PTPRN2: variants seen among roughly 807,000 people sequenced by gnomAD.
The protein encoded by PTPRN2 is protein tyrosine phosphatase receptor type N2, also known as receptor-type tyrosine-protein phosphatase N2.
In PTPRN2, 74 loss-of-function variants were observed where a neutral mutation model predicts 118.8. That is an observed-to-expected ratio of 0.62 (90% CI 0.52 to 0.76). The LOEUF (loss-of-function observed/expected upper bound fraction) is 0.76. Ranked by LOEUF, PTPRN2 falls within the 30% of genes least tolerant of loss-of-function variation. The probability of loss-of-function intolerance (pLI) is 0.00; values close to 1 mark genes in which losing one functional copy is unlikely to be tolerated. For missense variants in PTPRN2, 1,481 were observed against 1,394.4 expected (o/e 1.06, Z -0.99); for synonymous variants, 641 against 608.0 (o/e 1.05, Z -0.80).
chr7:158,344,506 C>T (rs1019634518), intron 2 of PTPRN2, among the ~76,000 whole-genome samples: 1 of 149,032 alleles, frequency 6.7e-6, no homozygotes, highest in Non-Finnish European at 1.5e-5. Context: ...GCTAATTATA[C>T]TCGCCGGCAT....
chr7:157,984,860 TGCCTCA>T (rs1803649194), intron 11 of PTPRN2, among the ~76,000 whole-genome samples: 1 of 152,208 alleles, frequency 6.6e-6, no homozygotes, highest in Admixed American at 6.5e-5. Flanking sequence ...CACTAGGCCC[TGCCTCA>T]GCCACTGGCC....
intron 12 of PTPRN2, among the ~76,000 whole-genome samples, chr7:157,798,964 C>T (rs556279974): frequency 6.6e-6 from 1 of 152,186 alleles, no homozygotes; most frequent in Non-Finnish European, 1.5e-5. Context: ...GGAGAGGAGA[C>T]CCCCGTGCCA....
At chr7:157,579,858 C>T (rs1800256832) in intron 17 of PTPRN2, among the ~76,000 whole-genome samples, 2 of 152,376 alleles carry the variant, frequency 1.3e-5, no homozygotes, top group Admixed American at 6.5e-5. Context: ...ACCAATATTA[C>T]AAGCTGTTCA....
intron 7 of PTPRN2, among the ~76,000 whole-genome samples, 159 bp from the exon 8 acceptor site, chr7:158,136,854 A>C (rs1226084830): frequency 6.6e-6 from 1 of 152,240 alleles, no homozygotes; most frequent in Non-Finnish European, 1.5e-5. Context: ...TTCTGTTTAT[A>C]GCACAAAATG....
At chr7:158,100,762 T>G (rs2150346070) in intron 10 of PTPRN2, among the ~76,000 whole-genome samples, 1 of 152,358 alleles carries the variant, frequency 6.6e-6, no homozygotes, top group South Asian at 2.1e-4. Context: ...TGTTTCTTGC[T>G]AATGTGAGTT....
intron 6 of PTPRN2, among the ~76,000 whole-genome samples, chr7:158,145,434 T>C (rs551956711): frequency 6.6e-6 from 1 of 152,342 alleles, no homozygotes; most frequent in Non-Finnish European, 1.5e-5. Context: ...CACTCAACCA[T>C]ATGAACAGCC....
chr7:158,123,565 T>A (rs944318062), intron 9 of PTPRN2, among the ~76,000 whole-genome samples: 2 of 152,132 alleles, frequency 1.3e-5, no homozygotes, highest in African/African-American at 4.8e-5. Context: ...GCCCCGGAGC[T>A]CGTGTGCCGC....
intron 12 of PTPRN2, among the ~76,000 whole-genome samples, chr7:157,727,992 G>GC (rs904427787): frequency 3.3e-5 from 5 of 152,136 alleles, no homozygotes; most frequent in African/African-American, 9.7e-5. Flanking sequence ...GCATCTGTGG[G>GC]CCCCCCAGCT....
intron 17 of PTPRN2, among the ~76,000 whole-genome samples, chr7:157,592,950 G>A (rs1263015864): frequency 4.3e-5 from 5 of 117,120 alleles, no homozygotes; most frequent in South Asian, 3.1e-4. Flanking sequence ...CCTGCTGAAT[G>A]GAGGGTGGAT....
chr7:158,366,032 C>T (rs1450395995), intron 2 of PTPRN2, among the ~76,000 whole-genome samples: 1 of 148,920 alleles, frequency 6.7e-6, no homozygotes, highest in Non-Finnish European at 1.5e-5. Flanking sequence ...AATACACACA[C>T]ACACAGCATC....
At chr7:158,127,476 G>A (rs1318794967) in intron 9 of PTPRN2, among the ~76,000 whole-genome samples, 2 of 152,086 alleles carry the variant, frequency 1.3e-5, no homozygotes, top group Admixed American at 1.3e-4. Context: ...TAGGTCTCGG[G>A]GCTGCCGTGG....
chr7:157,752,601 CTG>C (rs1801545861), intron 12 of PTPRN2, among the ~76,000 whole-genome samples: 1 of 152,252 alleles, frequency 6.6e-6, no homozygotes, highest in Non-Finnish European at 1.5e-5. Context: ...CTTATCAAAT[CTG>C]ATCCTCTCCC....
intron 12 of PTPRN2, among the ~76,000 whole-genome samples, chr7:157,768,898 C>T (rs769408081): frequency 2.6e-5 from 4 of 152,136 alleles, no homozygotes; most frequent in South Asian, 2.1e-4. Flanking sequence ...AGAAGTTACT[C>T]GGCGAAGTCG....
At chr7:157,675,752 G>T (rs1409804483) in intron 13 of PTPRN2, among the ~76,000 whole-genome samples, 1 of 152,166 alleles carries the variant, frequency 6.6e-6, no homozygotes, top group African/African-American at 2.4e-5. Context: ...CAGAGCTGAC[G>T]TGGCACCCGC....
chr7:158,209,150 A>T (rs1393922430), intron 3 of PTPRN2, among the ~76,000 whole-genome samples: 2 of 152,102 alleles, frequency 1.3e-5, no homozygotes, highest in Non-Finnish European at 2.9e-5. Context: ...GAAAGAGAAG[A>T]CCACAAAACA....
At chr7:157,894,192 C>G (rs1470223165) in intron 12 of PTPRN2, among the ~76,000 whole-genome samples, 1 of 152,214 alleles carries the variant, frequency 6.6e-6, no homozygotes, top group Non-Finnish European at 1.5e-5. Context: ...GGCATCAACT[C>G]TGAGGGGCAC....
intron 3 of PTPRN2, among the ~76,000 whole-genome samples, chr7:158,305,854 G>A (rs1016508232): frequency 3.3e-5 from 5 of 151,098 alleles, no homozygotes; most frequent in Admixed American, 6.6e-5. Flanking sequence ...CAAGAACAGC[G>A]AACTTCCTGG....
chr7:157,978,400 C>T (rs971624175), intron 11 of PTPRN2, among the ~76,000 whole-genome samples: 7 of 152,028 alleles, frequency 4.6e-5, no homozygotes, highest in East Asian at 1.9e-4. Flanking sequence ...TATGGCTTCA[C>T]GTCCTTCCTA....
intron 19 of PTPRN2, among the ~76,000 whole-genome samples, chr7:157,573,039 G>A (rs567111301): frequency 6.6e-6 from 1 of 152,248 alleles, no homozygotes; most frequent in Non-Finnish European, 1.5e-5. Flanking sequence ...GAATAAAGAG[G>A]TTGGAAAACA....
Sources: allele counts gnomAD v4.1 joint callset (sites outside exome capture counted in the v4.1 genomes callset), GRCh38; gene constraint gnomAD v4.1.1; transcripts MANE v1.5; gene names NCBI Gene and HGNC (gene_info 2026-07-23, HGNC 2026-07-21).